Variants in HIC2 observed in about 807,000 individuals in gnomAD.
The protein encoded by HIC2 is HIC ZBTB transcriptional repressor 2, also known as hypermethylated in cancer 2 protein.
A neutral mutation model predicts 39.5 loss-of-function variants in HIC2; 2 were observed. The observed-to-expected ratio is 0.05, with a 90% CI of 0.02 to 0.16. The LOEUF is 0.16. HIC2 is among the 10% of genes least tolerant of loss of function. The pLI, the probability that HIC2 is intolerant of heterozygous loss-of-function variation, is 1.00. For synonymous variants in HIC2, 399 were observed against 368.8 expected (o/e 1.08, Z -0.94); for missense variants, 713 against 863.5 (o/e 0.83, Z 2.18).
intron 1 of HIC2, among the ~76,000 whole-genome samples, chr22:21,432,607 C>T (rs1315917501): frequency 1.0e-5 from 1 of 100,496 alleles, no homozygotes; most frequent in Non-Finnish European, 1.8e-5. Flanking sequence ...ACCCGGGAGG[C>T]GGAGGTTGCG....
rs763231117 is a variant in HIC2, at chr22:21,445,009, G to A, written c.114G>A (p.Gln38=). The A allele has an allele frequency of 1.9e-6, 3 of 1,614,122 alleles. No individual in the cohort carries two copies. Among genetic ancestry groups the A allele is most frequent in the Admixed American group, 1.7e-5 (1 of 60,034 alleles). ...AGCAGCTCCTGCTGCAGCTGAACCA[G>A]CAGAGGACCAAGGGCTTCCTGTGTG... ...HSKQLLLQLN[Q]QRTKGFLCDV... is the part of the protein sequence containing the mutation. Residue 38 remains glutamine (Q), a synonymous_variant, in exon 3 of 3, where the codon CAG becomes CAA. Coordinates refer to ENST00000407464, the MANE Select transcript of HIC2 (RefSeq NM_015094.3).
rs1354501923 is a variant in HIC2 at position 21,425,970 on chromosome 22, G to A, written c.-74+8410G>A. Among the ~76,000 whole-genome samples, 6 of 152,268 alleles carry A rather than the reference G, an allele frequency of 3.9e-5. No individual in the cohort carries two copies. In the East Asian group the frequency reaches 9.6e-4, roughly 24 times the overall value. Reference sequence around the variant, plus strand: ...CGTGATCCGCCCGCCTCAGCCTCCCGAAGTGCTGGGATTACAGGCATTAGC... The same window carrying A: ...CGTGATCCGCCCGCCTCAGCCTCCCAAAGTGCTGGGATTACAGGCATTAGC... On this transcript the variant is annotated intron_variant, in intron 1 of 2. Transcript: ENST00000407464.
chr22:21,446,272 G>C lies in HIC2; in HGVS notation c.1377G>C (p.Ala459=). 1 of 1,613,320 alleles carries C rather than the reference G, an allele frequency of 6.2e-7. No individual in the cohort carries two copies. The highest frequency in any genetic ancestry group is 8.5e-7 in the Non-Finnish European group (1 of 1,180,018). Residue 459 remains alanine (A), a synonymous_variant, in exon 3 of 3, where the codon GCG becomes GCC. Transcript: ENST00000407464. ...TCCCCAGCTCTGAGCAGCTCAATGC[G>C]CACGTGGAGACTCACACGGAGGAAG... ...KGFPSSEQLN[A]HVETHTEEEL... is the part of the protein sequence containing the mutation.
At position 21,447,086 on chromosome 22, in the gene HIC2, C is replaced by A; in HGVS notation, c.*343C>A. The A allele has an allele frequency of 3.4e-6, 1 of 294,770 alleles. No homozygotes were observed. The highest frequency in any genetic ancestry group is 5.5e-5 in the South Asian group (1 of 18,020). The allele number at this position is 294,770 out of a possible 1,614,324, so 18.3% of individuals were successfully genotyped here. A position where few individuals can be genotyped will look rare whatever the true frequency, so the allele number is the denominator to read the frequency against. On this transcript the variant is annotated 3_prime_UTR_variant, in exon 3 of 3. Transcript: ENST00000407464. ...GGCTTGGAGAAAGGGCAGTGGGACGCTGGCCACGGCCAGGGTGGTGTCGGG... is the reference window on the plus strand; with the variant it reads ...GGCTTGGAGAAAGGGCAGTGGGACGATGGCCACGGCCAGGGTGGTGTCGGG...
At chr22:21,444,587 G>A (rs1000443024) in intron 2 of HIC2, among the ~76,000 whole-genome samples, 1 of 152,228 alleles carries the variant, frequency 6.6e-6, no homozygotes, top group East Asian at 1.9e-4. Context: ...ACTTCATTTA[G>A]TGTAGAGACA....
rs1923886595 is a variant in HIC2, at chr22:21,447,033, G to GCT, written c.*291_*292dup. ...CTGTGGGCTGGGTCACGTGGGTCTC[G>GCT]CTGGGACCTGGTCCCTTTGTTGCAG... On this transcript the variant is annotated 3_prime_UTR_variant, in exon 3 of 3. Transcript: ENST00000407464. 1 of 441,114 alleles carries GCT rather than the reference G, an allele frequency of 2.3e-6. No individual in the cohort carries two copies. The highest frequency in any genetic ancestry group is 4.0e-5 in the Admixed American group (1 of 24,768). 27.3% of individuals were successfully genotyped at this position (441,114 alleles called of 1,614,324 possible).
chr22:21,444,068 G>C (rs571567617), intron 2 of HIC2, among the ~76,000 whole-genome samples: 133 of 152,362 alleles, frequency 8.7e-4, no homozygotes, highest in African/African-American at 3.1e-3. Flanking sequence ...TCTTGCTGCT[G>C]CATAAGCAGG....
intron 1 of HIC2, among the ~76,000 whole-genome samples, chr22:21,426,494 A>G (rs1465381667): frequency 6.7e-6 from 1 of 148,612 alleles, no homozygotes; most frequent in East Asian, 2.1e-4. Flanking sequence ...TTTTTTTGAG[A>G]TGGAGTCTCT....
In HIC2 at chr22:21,445,576, G is replaced by T. The variant is rs773182886; in HGVS notation, c.681G>T (p.Leu227=). 20 of 1,589,594 alleles carry T rather than the reference G, an allele frequency of 1.3e-5. No individual in the cohort carries two copies. Among genetic ancestry groups the T allele is most frequent in the African/African-American group, 6.8e-5 (5 of 73,986 alleles). The change falls in exon 3 of 3, where the codon CTG becomes CTT. Residue 227 remains leucine (L), a synonymous_variant. Coordinates refer to ENST00000407464, the MANE Select transcript of HIC2 (RefSeq NM_015094.3). ...GCCCAGCTGGCGGGGAGGCGGGTCT[G>T]GGGGGCTGCAGCAGCAGCACCAACG... The part of the protein sequence containing the change: ...AVCPAGGEAG[L]GGCSSSTNGS...
chr22:21,451,137 G>C lies in HIC2; in HGVS notation c.*4394G>C, dbSNP rs761979139. The C allele has an allele frequency of 2.6e-5, 4 of 152,536 alleles. No homozygotes were observed. The highest frequency in any genetic ancestry group is 4.8e-5 in the African/African-American group (2 of 41,388). 9.4% of individuals were successfully genotyped at this position (152,536 alleles called of 1,614,324 possible). ...TTTCTCGCAAATACCTCGAAGGGGA[G>C]GGGGGAGGGATGGGGTTATAGCTGT... On this transcript the variant is annotated 3_prime_UTR_variant, in exon 3 of 3. Coordinates refer to ENST00000407464, the MANE Select transcript of HIC2 (RefSeq NM_015094.3).
chr22:21,446,024 A>T lies in HIC2; in HGVS notation c.1129A>T (p.Ile377Phe). The T allele has an allele frequency of 1.3e-6, 2 of 1,588,688 alleles. No homozygotes were observed. The highest frequency in any genetic ancestry group is 2.7e-5 in the African/African-American group (2 of 74,394). ...GGTCGGGGACAGGGTTCCCAATGGC[A>T]TCCTGGCTAGTGGGGCTGGCCCTAG... ...EGVGDRVPNG[I>F]LASGAGPSGP... Residue 377 changes from isoleucine (I) to phenylalanine (F), a missense_variant, in exon 3 of 3, where the codon ATC becomes TTC. Coordinates refer to ENST00000407464, the MANE Select transcript of HIC2 (RefSeq NM_015094.3).
intron 1 of HIC2, among the ~76,000 whole-genome samples, chr22:21,432,727 A>G (rs1429490551): frequency 2.1e-5 from 3 of 142,824 alleles, no homozygotes; most frequent in African/African-American, 8.0e-5. Context: ...ACTTAAAAAC[A>G]TTATCAGGTT....
rs1923943180 is a variant in HIC2, at chr22:21,447,784, GTGTGTGTGTGTATGTGCGTA to G, written c.*1051_*1070del. The G allele has an allele frequency of 6.6e-6, 1 of 151,700 alleles. No homozygotes were observed. Among genetic ancestry groups the G allele is most frequent in the African/African-American group, 2.4e-5 (1 of 41,266 alleles). 9.4% of individuals were successfully genotyped at this position (151,700 alleles called of 1,614,324 possible). On this transcript the variant is annotated 3_prime_UTR_variant, in exon 3 of 3. Transcript: ENST00000407464. ...TGTTTTCATTTGTGTGTGCGTGCGT[GTGTGTGTGTGTATGTGCGTA>G]TGTGTGTGTCTATGTGTGGTGTGTG...
chr22:21,438,227 G>A (rs2009475), intron 1 of HIC2, among the ~76,000 whole-genome samples: 1 of 152,302 alleles, frequency 6.6e-6, no homozygotes, highest in Non-Finnish European at 1.5e-5. Context: ...GGGCCTGGAC[G>A]TGGGCGTGAG....
At chr22:21,443,763 T>C (rs576651411) in intron 2 of HIC2, among the ~76,000 whole-genome samples, 2 of 151,958 alleles carry the variant, frequency 1.3e-5, no homozygotes, top group East Asian at 1.9e-4. Flanking sequence ...CTGGTAGGGG[T>C]GAGAGGATGG....
Position 21,449,981 on chromosome 22 carries a change from T to G in HIC2, c.*3238T>G, listed in dbSNP as rs116756031. The G allele has an allele frequency of 1.3e-5, 2 of 152,670 alleles. No individual in the cohort carries two copies. The highest frequency in any genetic ancestry group is 2.9e-5 in the Non-Finnish European group (2 of 68,062). The allele number at this position is 152,670 out of a possible 1,614,324, so 9.5% of individuals were successfully genotyped here. ...GACCTTTGCGCAGCTCTGTCGACTC[T>G]GGTGGGTCCCCACTCCTGGGGCCCC... On this transcript the variant is annotated 3_prime_UTR_variant, in exon 3 of 3. Transcript: ENST00000407464.
chr22:21,451,221 G>C lies in HIC2; in HGVS notation c.*4478G>C, dbSNP rs766114199. On this transcript the variant is annotated 3_prime_UTR_variant, in exon 3 of 3. Transcript: ENST00000407464. ...TTTGTTTTATGCCCTTCCCAGAAGG[G>C]GGGAGGGACACCGGGATCGCACTCC... The C allele has an allele frequency of 6.5e-6, 1 of 152,798 alleles. No individual in the cohort carries two copies. The highest frequency in any genetic ancestry group is 1.5e-5 in the Non-Finnish European group (1 of 68,068). 9.5% of individuals were successfully genotyped at this position (152,798 alleles called of 1,614,324 possible). A position where few individuals can be genotyped will look rare whatever the true frequency, so the allele number is the denominator to read the frequency against.
rs546321257 is a variant in HIC2 at position 21,448,745 on chromosome 22, A to C, written c.*2002A>C. ...CTCCCTGTGGTGATCCCAGCCTAAG[A>C]TGGCCCCTCTTCCCTCCTGGTGGGA... is the stretch of plus-strand genomic sequence containing the variant. On this transcript the variant is annotated 3_prime_UTR_variant, in exon 3 of 3. Coordinates refer to ENST00000407464, the MANE Select transcript of HIC2 (RefSeq NM_015094.3). 2.6e-4 allele frequency: 39 copies of C among 152,678 alleles called. 1 individual carries two copies. The highest frequency in any genetic ancestry group is 2.2e-3 in the Admixed American group (34 of 15,278). The allele number at this position is 152,678 out of a possible 1,614,324, so 9.5% of individuals were successfully genotyped here.
At position 21,445,613 on chromosome 22, in the gene HIC2, G is replaced by A. The variant is rs750590343; in HGVS notation, c.718G>A (p.Gly240Ser). ...CAGCAGCACCAACGGGAGCAGCGGG[G>A]GCTGCGAGCAGGAGCTGGGCTTGGA... ...CSSSTNGSSG[G>S]CEQELGLDLS... is the part of the protein sequence containing the mutation. The change falls in exon 3 of 3, where the codon GGC (glycine) becomes AGC (serine). Residue 240 changes from glycine to serine, a missense_variant. Transcript: ENST00000407464. The A allele has an allele frequency of 9.3e-5, 147 of 1,578,708 alleles. No individual in the cohort carries two copies. Among genetic ancestry groups the A allele is most frequent in the Non-Finnish European group, 1.2e-4 (145 of 1,164,156 alleles).
Sources: allele counts gnomAD v4.1 joint callset (sites outside exome capture counted in the v4.1 genomes callset), GRCh38; gene constraint gnomAD v4.1.1; transcripts MANE v1.5; gene names NCBI Gene and HGNC (gene_info 2026-07-23, HGNC 2026-07-21).